RAD18: variants seen among roughly 807,000 people sequenced by gnomAD.
RAD18 encodes the protein E3 ubiquitin-protein ligase RAD18.
In RAD18, 47 loss-of-function variants were observed where a neutral mutation model predicts 60.4. The observed-to-expected ratio is 0.78, with a 90% CI of 0.62 to 0.99. The LOEUF (loss-of-function observed/expected upper bound fraction) is 0.99, where lower values mean the gene tolerates loss of function less well. RAD18 is among the 50% of genes least tolerant of loss of function. The probability of loss-of-function intolerance (pLI) is 0.00; values close to 1 mark genes in which losing one functional copy is unlikely to be tolerated. For missense variants in RAD18, 640 were observed against 593.3 expected, an observed-to-expected ratio of 1.08 and a Z score of -0.82; for synonymous variants, 225 against 195.5, an observed-to-expected ratio of 1.15 and a Z score of -1.26.
intron 4 of RAD18, among the ~76,000 whole-genome samples, 192 bp from the exon 5 acceptor site, chr3:8,941,996 CAAT>C (rs529543514): frequency 2.0e-5 from 3 of 152,104 alleles, no homozygotes; most frequent in Non-Finnish European, 4.4e-5. Flanking sequence ...GTTAATGTGT[CAAT>C]AAAACAAAAT....
chr3:8,921,767 C>T (rs147256332), intron 7 of RAD18, among the ~76,000 whole-genome samples: 1 of 152,102 alleles, frequency 6.6e-6, no homozygotes, highest in Non-Finnish European at 1.5e-5. Flanking sequence ...CCCAGATCTA[C>T]ACAAAGAAAC....
intron 7 of RAD18, among the ~76,000 whole-genome samples, chr3:8,928,049 T>TGAAA (rs1443978506): frequency 4.1e-5 from 5 of 121,736 alleles, no homozygotes; most frequent in African/African-American, 1.1e-4. Context: ...CCCTAAAACT[T>TGAAA]AAAAAAAAAA....
intron 4 of RAD18, among the ~76,000 whole-genome samples, chr3:8,942,787 C>T (rs1184058513): frequency 6.6e-6 from 1 of 152,202 alleles, no homozygotes; most frequent in East Asian, 1.9e-4. Context: ...CACCAGTCTG[C>T]TTAGAAATTC....
chr3:8,925,133 G>T (rs1209589630), intron 7 of RAD18, among the ~76,000 whole-genome samples: 1 of 151,706 alleles, frequency 6.6e-6, no homozygotes, highest in African/African-American at 2.4e-5. Flanking sequence ...CTGGTTTTTT[G>T]AAAAAATCAA....
intron 4 of RAD18, 193 bp downstream of exon 4, chr3:8,947,027 G>T: frequency 1.8e-6 from 1 of 555,334 alleles, no homozygotes; most frequent in East Asian, 3.0e-5. Flanking sequence ...TACTACAGGA[G>T]AATTTCTGTT....
At position 8,878,565 on chromosome 3, in the gene RAD18, T is replaced by C. The variant is rs1939404035; in HGVS notation, c.*2792A>G. ...AACAGTTCTAGCCTTCTCTATGTTGTCTATCCCTGTTGACACATCAGTCTT... is the reference window on the plus strand; with the variant it reads ...AACAGTTCTAGCCTTCTCTATGTTGCCTATCCCTGTTGACACATCAGTCTT... On this transcript the variant is annotated 3_prime_UTR_variant, in exon 13 of 13. Transcript: ENST00000264926. The C allele has an allele frequency of 6.6e-6, 1 of 152,252 alleles. No individual in the cohort carries two copies. Among genetic ancestry groups the C allele is most frequent in the African/African-American group, 2.4e-5 (1 of 41,474 alleles). The allele number at this position is 152,252 out of a possible 1,614,324, so 9.4% of individuals were successfully genotyped here. A position where few individuals can be genotyped will look rare whatever the true frequency, so the allele number is the denominator to read the frequency against.
intron 7 of RAD18, among the ~76,000 whole-genome samples, chr3:8,929,244 A>T (rs1263684416): frequency 6.6e-6 from 1 of 152,144 alleles, no homozygotes; most frequent in Admixed American, 6.5e-5. Flanking sequence ...GAATTCAATG[A>T]AATAGGAAAA....
At chr3:8,956,719 A>G (rs1336484451) in intron 2 of RAD18, among the ~76,000 whole-genome samples, 2 of 149,504 alleles carry the variant, frequency 1.3e-5, no homozygotes, top group Non-Finnish European at 2.9e-5. Context: ...TGCAGAAAAT[A>G]CTTGACAAAA....
intron 7 of RAD18, among the ~76,000 whole-genome samples, chr3:8,922,761 T>C (rs1340786495): frequency 2.0e-5 from 3 of 152,108 alleles, no homozygotes; most frequent in African/African-American, 7.2e-5. Context: ...TGTTCACCAA[T>C]ATTTGCTGTT....
chr3:8,916,961 C>T, intron 7 of RAD18, among the ~76,000 whole-genome samples: 1 of 152,010 alleles, frequency 6.6e-6, no homozygotes, highest in East Asian at 1.9e-4. Context: ...ATAAGAAAGA[C>T]ACCAAACCAC....
chr3:8,948,520 T>C lies in RAD18; in HGVS notation c.184A>G (p.Thr62Ala), dbSNP rs767419521. The change falls in exon 3 of 13, where the codon ACT becomes GCT. Residue 62 changes from threonine (T) to alanine (A), a missense_variant. Thr to Ala is a moderately conservative substitution (Grantham distance 58). Coordinates refer to ENST00000264926, the MANE Select transcript of RAD18 (RefSeq NM_020165.4). ...KFLSYKTQCPTCCVTVTEPDL... is the reference protein window; with the variant it reads ...KFLSYKTQCPACCVTVTEPDL... ...AAACAAAAACTCACCACACAGCAAGTTGGACACTGAGTTTTATAGGACAGA... is the reference window on the plus strand; with the variant it reads ...AAACAAAAACTCACCACACAGCAAGCTGGACACTGAGTTTTATAGGACAGA... The C allele has an allele frequency of 1.3e-5, 21 of 1,612,398 alleles. No individual in the cohort carries two copies. The South Asian group carries it at 2.0e-4, about 15-fold the overall frequency.
At chr3:8,947,865 G>A (rs1475765306) in intron 3 of RAD18, among the ~76,000 whole-genome samples, 2 of 152,222 alleles carry the variant, frequency 1.3e-5, no homozygotes, top group Non-Finnish European at 2.9e-5. Flanking sequence ...TAGAGAAATA[G>A]TTCGAAATGT....
chr3:8,960,062 C>T (rs1306804873), intron 1 of RAD18, among the ~76,000 whole-genome samples: 1 of 152,046 alleles, frequency 6.6e-6, no homozygotes, highest in East Asian at 1.9e-4. Flanking sequence ...AATCCTAGCA[C>T]TTTGGGAGGC....
chr3:8,959,614 G>A (rs769904269), intron 1 of RAD18, among the ~76,000 whole-genome samples: 15 of 152,238 alleles, frequency 9.9e-5, no homozygotes, highest in Non-Finnish European at 1.8e-4. Flanking sequence ...AGCTGGGGCA[G>A]TGAAAGCAGA....
At chr3:8,907,761 A>G (rs574840793) in intron 9 of RAD18, among the ~76,000 whole-genome samples, 2 of 146,208 alleles carry the variant, frequency 1.4e-5, no homozygotes, top group East Asian at 2.0e-4. Context: ...CCATCACCCA[A>G]TAAAATCCTC....
At chr3:8,885,193 T>C (rs1231584938) in intron 12 of RAD18, among the ~76,000 whole-genome samples, 1 of 152,202 alleles carries the variant, frequency 6.6e-6, no homozygotes, top group African/African-American at 2.4e-5. Flanking sequence ...CCTTGCCTCA[T>C]GTTGATTAAA....
intron 7 of RAD18, among the ~76,000 whole-genome samples, chr3:8,935,275 G>A (rs1940629146): frequency 1.3e-5 from 2 of 152,246 alleles, no homozygotes; most frequent in African/African-American, 2.4e-5. Context: ...GTATGTGTGT[G>A]GTTTAATGAA....
chr3:8,923,896 A>C (rs552048586), intron 7 of RAD18, among the ~76,000 whole-genome samples: 1 of 152,324 alleles, frequency 6.6e-6, no homozygotes, highest in East Asian at 1.9e-4. Flanking sequence ...GCCTGCCCTA[A>C]AAGAGCTCCT....
chr3:8,891,546 G>C (rs1170212820), intron 11 of RAD18, among the ~76,000 whole-genome samples: 1 of 152,160 alleles, frequency 6.6e-6, no homozygotes, highest in Non-Finnish European at 1.5e-5. Context: ...AGTGAAAACA[G>C]ATGTTAGAGG....
Sources: allele counts gnomAD v4.1 joint callset (sites outside exome capture counted in the v4.1 genomes callset), GRCh38; gene constraint gnomAD v4.1.1; transcripts MANE v1.5; gene names NCBI Gene and HGNC (gene_info 2026-07-23, HGNC 2026-07-21).